The following CDS2 variants were observed in gnomAD, a reference collection of about 807,000 sequenced individuals.
CDS2 encodes phosphatidate cytidylyltransferase 2.
In CDS2, 47 loss-of-function variants were observed where a neutral mutation model predicts 59.0. The ratio of observed to expected loss-of-function variants is 0.80; its 90% confidence interval spans 0.63 to 1.02. CDS2 has a LOEUF of 1.02. Ranked by LOEUF, CDS2 falls within the 50% of genes least tolerant of loss-of-function variation. The pLI is 0.00. For synonymous variants in CDS2, 207 were observed against 206.4 expected (o/e 1.00, Z -0.02); for missense variants, 356 against 558.9 (o/e 0.64, Z 3.66).
At chr20:5,142,029 G>A (rs557672619) in intron 1 of CDS2, among the ~76,000 whole-genome samples, 2 of 152,336 alleles carry the variant, frequency 1.3e-5, no homozygotes, top group East Asian at 3.9e-4. Flanking sequence ...TAGATTAAAA[G>A]ACTTTAGGTG....
intron 1 of CDS2, among the ~76,000 whole-genome samples, chr20:5,169,081 T>G (rs532967509): frequency 1.8e-4 from 28 of 152,338 alleles, no homozygotes; most frequent in African/African-American, 6.5e-4. Context: ...TCAGAGGAGC[T>G]TCCCCCTTCC....
intron 1 of CDS2, among the ~76,000 whole-genome samples, chr20:5,165,511 C>T (rs147056563): frequency 1.1e-4 from 16 of 152,090 alleles, no homozygotes; most frequent in Admixed American, 3.3e-4. Flanking sequence ...ATGATGGTCT[C>T]GAGGCGGAGA....
intron 12 of CDS2, 92 bp downstream of exon 12, chr20:5,189,930 C>A: frequency 7.4e-7 from 1 of 1,354,394 alleles, no homozygotes; most frequent in Non-Finnish European, 1.0e-6. Flanking sequence ...CAGTGAAAAG[C>A]ATCCCAAATA....
At chr20:5,162,268 T>C (rs1448199357) in intron 1 of CDS2, among the ~76,000 whole-genome samples, 2 of 152,322 alleles carry the variant, frequency 1.3e-5, no homozygotes, top group East Asian at 1.9e-4. Context: ...GAAATGCTCA[T>C]TGGAGCATTT....
At chr20:5,139,467 T>C (rs2090675569) in intron 1 of CDS2, among the ~76,000 whole-genome samples, 1 of 152,232 alleles carries the variant, frequency 6.6e-6, no homozygotes, top group African/African-American at 2.4e-5. Flanking sequence ...TTGGTGTTTT[T>C]CAGTTTTTCT....
At chr20:5,176,817 G>C in intron 4 of CDS2, 72 bp downstream of exon 4, 4 of 1,035,600 alleles carry the variant, frequency 3.9e-6, no homozygotes, top group African/African-American at 3.1e-5. Flanking sequence ...TTACAGTGAC[G>C]GTGGGTATTT....
At chr20:5,163,760 T>C (rs111921071) in intron 1 of CDS2, among the ~76,000 whole-genome samples, 4,835 of 151,954 alleles carry the variant, frequency 0.032, 265 homozygotes, top group African/African-American at 0.11. Flanking sequence ...AGAAACTATT[T>C]AGCATTGTGG....
intron 1 of CDS2, among the ~76,000 whole-genome samples, chr20:5,146,745 G>GTTACTGCATGGTCA (rs1160580905): frequency 4.6e-5 from 7 of 152,136 alleles, no homozygotes; most frequent in Non-Finnish European, 8.8e-5. Flanking sequence ...GTCCATGTCT[G>GTTACTGCATGGTCA]TTTAACTGCA....
In CDS2 at chr20:5,190,203, G is replaced by A. The variant is rs754847160; in HGVS notation, c.1307G>A (p.Gly436Glu). ...NTLRSHLIDKGMLTSTTEDE is the reference protein window; with the variant it reads ...NTLRSHLIDKEMLTSTTEDE ...CTGCGGTCTCATCTGATCGACAAAGGGATGCTGACATCCACCACAGAGGAC... is the reference window on the plus strand; with the variant it reads ...CTGCGGTCTCATCTGATCGACAAAGAGATGCTGACATCCACCACAGAGGAC... Residue 436 changes from glycine (G) to glutamate (E), a missense_variant, in exon 13 of 13, where the codon GGG becomes GAG. Physicochemically the swap from Gly to Glu is moderately conservative, Grantham distance 98. This residue lies in a region of CDS2 where 33 missense variants were observed against 27.9 expected (regional missense o/e 1.18). Coordinates refer to ENST00000460006, the MANE Select transcript of CDS2 (RefSeq NM_003818.4). 1 of 1,614,076 alleles carries A rather than the reference G, an allele frequency of 6.2e-7. No homozygotes were observed. Among genetic ancestry groups the A allele is most frequent in the South Asian group, 1.1e-5 (1 of 91,080 alleles).
At chr20:5,182,481 G>A in intron 6 of CDS2, 36 bp downstream of exon 6, 1 of 1,576,192 alleles carries the variant, frequency 6.3e-7, no homozygotes, top group Non-Finnish European at 8.6e-7. Context: ...CAGAATTCTT[G>A]ATTTAAATGA....
chr20:5,152,994 A>G (rs1019944594), intron 1 of CDS2, among the ~76,000 whole-genome samples: 2 of 152,134 alleles, frequency 1.3e-5, no homozygotes, highest in Admixed American at 6.5e-5. Context: ...GCAATACTAT[A>G]TCTCCTGTCC....
intron 1 of CDS2, among the ~76,000 whole-genome samples, chr20:5,172,855 G>A (rs576067122): frequency 6.6e-6 from 1 of 152,326 alleles, no homozygotes; most frequent in Admixed American, 6.5e-5. Context: ...TGGGTAAAGA[G>A]CTTGCTGCTG....
intron 10 of CDS2, among the ~76,000 whole-genome samples, chr20:5,188,100 C>T (rs573283457): frequency 1.3e-4 from 20 of 151,320 alleles, no homozygotes; most frequent in African/African-American, 4.9e-4. Context: ...TGAGAAAAAA[C>T]ACAAACATAT....
chr20:5,156,089 A>C (rs547162464), intron 1 of CDS2, among the ~76,000 whole-genome samples: 1 of 152,266 alleles, frequency 6.6e-6, no homozygotes, highest in East Asian at 1.9e-4. Context: ...TAGTGTATGG[A>C]GAATAAATGA....
rs550715742 is a variant in CDS2 at position 5,163,936 on chromosome 20, G to T, written c.58-9587G>T. Among the ~76,000 whole-genome samples, 15 of 151,808 alleles carry T rather than the reference G, an allele frequency of 9.9e-5. No homozygotes were observed. In the South Asian group the frequency reaches 3.1e-3, roughly 32 times the overall value. On this transcript the variant is annotated intron_variant, in intron 1 of 12. Coordinates refer to ENST00000460006, the MANE Select transcript of CDS2 (RefSeq NM_003818.4). ...CTCCCAAGTAGCTGGGATTACAGGT[G>T]CCCACCACCACGCCTGGATAATTTT...
intron 1 of CDS2, among the ~76,000 whole-genome samples, chr20:5,165,171 C>T (rs1568537127): frequency 6.6e-6 from 1 of 152,282 alleles, no homozygotes; most frequent in Non-Finnish European, 1.5e-5. Context: ...ACAGGATTTC[C>T]TCATCCTTTC....
chr20:5,176,937 G>T (rs2090999221), intron 4 of CDS2, among the ~76,000 whole-genome samples, 192 bp downstream of exon 4: 1 of 152,234 alleles, frequency 6.6e-6, no homozygotes, highest in Admixed American at 6.5e-5. Context: ...ATGGGTAAGA[G>T]AATGTTAGGA....
At chr20:5,154,053 A>G (rs1245901086) in intron 1 of CDS2, among the ~76,000 whole-genome samples, 1 of 152,158 alleles carries the variant, frequency 6.6e-6, no homozygotes, top group East Asian at 1.9e-4. Flanking sequence ...GGCTTTTCCT[A>G]TAGAGAGATT....
chr20:5,185,714 G>C, intron 8 of CDS2, 44 bp from the exon 9 acceptor site: 1 of 1,552,296 alleles, frequency 6.4e-7, no homozygotes, highest in African/African-American at 1.4e-5. Flanking sequence ...CAAAGCTATA[G>C]TTATCAAAAC....
Sources: gnomAD v4.1 joint callset for allele counts (sites outside exome capture counted in the v4.1 genomes callset) on GRCh38, gnomAD v4.1.1 for gene constraint, gnomAD v4.1.1 regional missense constraint, MANE v1.5 for transcripts, NCBI Gene and HGNC (gene_info 2026-07-23, HGNC 2026-07-21) for gene names.